The following EPHB2 variants were observed in gnomAD, a reference collection of about 807,000 sequenced individuals.
EPHB2 encodes EPH receptor B2.
A neutral mutation model predicts 96.4 loss-of-function variants in EPHB2; 18 were observed. That is an observed-to-expected ratio of 0.19 (90% CI 0.13 to 0.28). The LOEUF (loss-of-function observed/expected upper bound fraction) is 0.28, where lower values mean the gene tolerates loss of function less well. Among genes scored for constraint, EPHB2 ranks in the 10% least tolerant of loss-of-function variants. EPHB2 has a pLI of 1.00. For missense variants in EPHB2, 989 were observed against 1,355.4 expected, an observed-to-expected ratio of 0.73 and a Z score of 4.25; for synonymous variants, 506 against 534.1, an observed-to-expected ratio of 0.95 and a Z score of 0.72.
At chr1:22,737,470 C>G (rs1337305504) in intron 1 of EPHB2, among the ~76,000 whole-genome samples, 9 of 152,326 alleles carry the variant, frequency 5.9e-5, no homozygotes, top group African/African-American at 2.2e-4. Flanking sequence ...ATGTTATAAA[C>G]TCCCATGCCC....
chr1:22,755,310 C>T (rs572195756), intron 1 of EPHB2, among the ~76,000 whole-genome samples: 8 of 152,240 alleles, frequency 5.3e-5, no homozygotes, highest in South Asian at 2.1e-4. Flanking sequence ...GTCACTGCAC[C>T]GACCTGCTGT....
Position 22,908,125 on chromosome 1 carries a change from T to G in EPHB2, c.2309T>G (p.Phe770Cys). 1 of 1,614,204 alleles carries G rather than the reference T, an allele frequency of 6.2e-7. No homozygotes were observed. The highest frequency in any genetic ancestry group is 2.2e-5 in the East Asian group (1 of 44,886). The stretch of plus-strand genomic sequence containing the variant: ...GTGTCGGACTTTGGGCTCTCACGCT[T>G]TCTAGAGGACGATACCTCAGACCCC... ...CKVSDFGLSR[F>C]LEDDTSDPTY... The change falls in exon 12 of 16, where the codon TTT becomes TGT. Residue 770 changes from phenylalanine to cysteine, a missense_variant. Coordinates refer to ENST00000374630, the MANE Select transcript of EPHB2 (RefSeq NM_017449.5).
intron 3 of EPHB2, among the ~76,000 whole-genome samples, chr1:22,794,780 A>G (rs1403820463): frequency 1.3e-5 from 2 of 152,242 alleles, no homozygotes; most frequent in East Asian, 3.9e-4. Flanking sequence ...TCGGCCCCAG[A>G]CTGGCTCATC....
At chr1:22,793,759 A>G (rs1644729916) in intron 3 of EPHB2, among the ~76,000 whole-genome samples, 1 of 152,060 alleles carries the variant, frequency 6.6e-6, no homozygotes, top group Admixed American at 6.6e-5. Context: ...CCATTATCTT[A>G]TTGAAACTTC....
chr1:22,908,314 C>A, intron 12 of EPHB2, 146 bp downstream of exon 12: 1 of 980,600 alleles, frequency 1.0e-6, no homozygotes, highest in Non-Finnish European at 1.6e-6. Flanking sequence ...GGAACCACAG[C>A]TCCTGCCCTC....
chr1:22,714,822 A>C (rs1643250305), intron 1 of EPHB2, among the ~76,000 whole-genome samples: 1 of 152,226 alleles, frequency 6.6e-6, no homozygotes, highest in African/African-American at 2.4e-5. Flanking sequence ...TTGTGTCCAC[A>C]GTTCTGGTCT....
chr1:22,719,469 A>G lies in EPHB2; in HGVS notation c.61+8426A>G, dbSNP rs186222562. 3.9e-5 allele frequency: 6 copies of G among 154,412 alleles called. No homozygotes were observed. The East Asian group carries it at 9.7e-4, about 25-fold the overall frequency. The allele number at this position is 154,412 out of a possible 1,614,324, so 9.6% of individuals were successfully genotyped here. ...GGTTTCACAGGGCCCACATTCCCAC[A>G]TGGCCACAGTTGGCTGGAGTGACTG... is the stretch of plus-strand genomic sequence containing the variant. On this transcript the variant is annotated intron_variant, in intron 1 of 15. Transcript: ENST00000374630.
intron 1 of EPHB2, among the ~76,000 whole-genome samples, chr1:22,761,904 AG>A (rs1570233282): frequency 6.6e-6 from 1 of 152,160 alleles, no homozygotes; most frequent in African/African-American, 2.4e-5. Flanking sequence ...CAGCAGAGGG[AG>A]GGGGGCGTCC....
chr1:22,799,556 T>C (rs1644813185), intron 3 of EPHB2, among the ~76,000 whole-genome samples: 1 of 152,214 alleles, frequency 6.6e-6, no homozygotes. Flanking sequence ...ATGAGGTGTG[T>C]GGTCAGTAAA....
intron 1 of EPHB2, among the ~76,000 whole-genome samples, chr1:22,715,884 A>G (rs1570137945): frequency 1.3e-5 from 2 of 152,338 alleles, no homozygotes; most frequent in East Asian, 3.9e-4. Context: ...CCTGCACTTC[A>G]GTTTCCCCCT....
At chr1:22,821,022 A>G (rs1487950583) in intron 3 of EPHB2, among the ~76,000 whole-genome samples, 1 of 152,238 alleles carries the variant, frequency 6.6e-6, no homozygotes, top group East Asian at 1.9e-4. Context: ...CAAGTAAATG[A>G]AATCCAGAAG....
intron 1 of EPHB2, among the ~76,000 whole-genome samples, chr1:22,716,500 T>C (rs949344358): frequency 3.9e-5 from 6 of 152,196 alleles, no homozygotes; most frequent in East Asian, 3.9e-4. Context: ...CCCGGCTAAT[T>C]TTTTTGCATT....
chr1:22,853,425 T>C (rs1030847156), intron 3 of EPHB2, among the ~76,000 whole-genome samples: 5 of 152,236 alleles, frequency 3.3e-5, no homozygotes, highest in African/African-American at 1.2e-4. Flanking sequence ...ACTGTCACTG[T>C]GCTCACAGCC....
intron 1 of EPHB2, among the ~76,000 whole-genome samples, chr1:22,752,327 A>G (rs1276779150): frequency 6.6e-6 from 1 of 152,102 alleles, no homozygotes; most frequent in African/African-American, 2.4e-5. Flanking sequence ...GCGAAAACCC[A>G]TCTCTACAAA....
At chr1:22,840,839 A>G (rs1455469956) in intron 3 of EPHB2, among the ~76,000 whole-genome samples, 2 of 152,152 alleles carry the variant, frequency 1.3e-5, no homozygotes, top group Non-Finnish European at 2.9e-5. Context: ...CACTTTACAC[A>G]TGTTAATTTA....
chr1:22,818,092 C>G (rs1451045805), intron 3 of EPHB2, among the ~76,000 whole-genome samples: 2 of 150,800 alleles, frequency 1.3e-5, no homozygotes. Context: ...CACTTAACCT[C>G]TCTGATCCTT....
chr1:22,776,780 C>T (rs1046439966), intron 1 of EPHB2, among the ~76,000 whole-genome samples: 2 of 152,176 alleles, frequency 1.3e-5, no homozygotes, highest in African/African-American at 4.8e-5. Context: ...TTGGAAATGG[C>T]TAAAGTCATT....
At chr1:22,867,747 C>T (rs1037551550) in intron 5 of EPHB2, among the ~76,000 whole-genome samples, 1 of 152,194 alleles carries the variant, frequency 6.6e-6, no homozygotes, top group African/African-American at 2.4e-5. Flanking sequence ...TGGTGAGCAC[C>T]TGCAATCCCA....
chr1:22,862,961 C>T (rs1033240161), intron 3 of EPHB2, 76 bp from the exon 4 acceptor site: 27 of 1,597,276 alleles, frequency 1.7e-5, no homozygotes, highest in Admixed American at 3.3e-5. Context: ...GTGGCCCCTC[C>T]GTGAGGCTGC....
Sources: allele counts gnomAD v4.1 joint callset (sites outside exome capture counted in the v4.1 genomes callset), GRCh38; gene constraint gnomAD v4.1.1; transcripts MANE v1.5; gene names NCBI Gene and HGNC (gene_info 2026-07-23, HGNC 2026-07-21).